The following LRRC49 variants were observed in gnomAD, a reference collection of about 807,000 sequenced individuals.
LRRC49 encodes leucine rich repeat containing 49, also known as leucine-rich repeat-containing protein 49.
Under a neutral mutation model 83.3 loss-of-function variants are expected in LRRC49, and 50 were observed. That is an observed-to-expected ratio of 0.60 (90% CI 0.48 to 0.76). The LOEUF (loss-of-function observed/expected upper bound fraction) is 0.76, where lower values mean the gene tolerates loss of function less well. Ranked by LOEUF, LRRC49 falls within the 30% of genes least tolerant of loss-of-function variation. The pLI, the probability that LRRC49 is intolerant of heterozygous loss-of-function variation, is 0.00. For synonymous variants in LRRC49, 286 were observed against 283.3 expected (o/e 1.01, Z -0.10); for missense variants, 704 against 809.1 (o/e 0.87, Z 1.58).
chr15:70,990,815 C>T (rs953569901), intron 11 of LRRC49, among the ~76,000 whole-genome samples: 1 of 152,204 alleles, frequency 6.6e-6, no homozygotes, highest in African/African-American at 2.4e-5. Context: ...TAGTGTTTTT[C>T]TGCCCTAACA....
chr15:70,898,912 A>G (rs2033952208), intron 3 of LRRC49, among the ~76,000 whole-genome samples: 1 of 152,162 alleles, frequency 6.6e-6, no homozygotes, highest in African/African-American at 2.4e-5. Context: ...TTGTATACCC[A>G]CATATATATG....
chr15:70,965,029 T>C (rs1305596042), intron 9 of LRRC49, among the ~76,000 whole-genome samples: 1 of 152,162 alleles, frequency 6.6e-6, no homozygotes, highest in African/African-American at 2.4e-5. Context: ...TATTCCATGG[T>C]GGAGCTATGG....
At chr15:71,027,026 GTCCTGAATGGTAT>G (rs2039195650) in intron 14 of LRRC49, among the ~76,000 whole-genome samples, 1 of 152,152 alleles carries the variant, frequency 6.6e-6, no homozygotes. Context: ...CCATGACTAT[GTCCTGAATGGTAT>G]TGCCTAGGTT....
At chr15:70,919,293 T>G (rs1453553090) in intron 7 of LRRC49, 100 bp downstream of exon 7, 2 of 1,064,092 alleles carry the variant, frequency 1.9e-6, no homozygotes, top group Non-Finnish European at 2.7e-6. Context: ...GAATCTACGG[T>G]TATTTAGGTT....
intron 8 of LRRC49, among the ~76,000 whole-genome samples, chr15:70,957,705 C>T (rs558234438): frequency 6.6e-6 from 1 of 152,234 alleles, no homozygotes; most frequent in East Asian, 1.9e-4. Context: ...CATCTACTGG[C>T]TCTGTTACCT....
intron 7 of LRRC49, among the ~76,000 whole-genome samples, chr15:70,928,796 C>G (rs1156322826): frequency 6.6e-6 from 1 of 152,148 alleles, no homozygotes; most frequent in African/African-American, 2.4e-5. Context: ...AACTCCTGAT[C>G]TCAAATGATC....
rs2033428040 is a variant in LRRC49, at chr15:70,887,021, CA to C, written c.19-6560del. Among the ~76,000 whole-genome samples the C allele has an allele frequency of 1.3e-5, 2 of 151,686 alleles. 1 individual carries two copies. The highest frequency in any genetic ancestry group is 4.8e-5 in the African/African-American group (2 of 41,260). On this transcript the variant is annotated intron_variant, in intron 2 of 16. Coordinates refer to the LRRC49 transcript ENST00000544974. ...CATTTAAAAATTTAGATGGAACAGACAAATTAAAAAATACTATTAATCAAAA... is the reference window on the plus strand; with the variant it reads ...CATTTAAAAATTTAGATGGAACAGACAATTAAAAAATACTATTAATCAAAA...
intron 11 of LRRC49, among the ~76,000 whole-genome samples, chr15:70,990,999 G>A (rs1442944893): frequency 1.3e-5 from 2 of 152,190 alleles, no homozygotes; most frequent in African/African-American, 4.8e-5. Flanking sequence ...CATGAGGAAA[G>A]GAATCCTGCT....
chr15:70,872,198 A>T (rs1473568830), intron 1 of LRRC49, among the ~76,000 whole-genome samples: 1 of 152,240 alleles, frequency 6.6e-6, no homozygotes, highest in Non-Finnish European at 1.5e-5. Flanking sequence ...GCTGGAGACC[A>T]GCCCGGCCAA....
chr15:70,925,858 G>C (rs1190655883), intron 7 of LRRC49, among the ~76,000 whole-genome samples: 2 of 152,114 alleles, frequency 1.3e-5, no homozygotes, highest in Admixed American at 6.5e-5. Context: ...ACAATCAACT[G>C]TACAGTTCAA....
chr15:71,031,142 T>C (rs1044815376), intron 14 of LRRC49, among the ~76,000 whole-genome samples: 1 of 152,232 alleles, frequency 6.6e-6, no homozygotes, highest in East Asian at 1.9e-4. Flanking sequence ...TGTGGATTTA[T>C]CTACCTTTGA....
chr15:70,892,763 C>A (rs796698579), upstream of LRRC49: 27 of 1,583,222 alleles, frequency 1.7e-5, no homozygotes, highest in African/African-American at 2.0e-4. Context: ...GAGGTCCAGA[C>A]CGGAAATGGT....
chr15:71,012,970 T>C, intron 14 of LRRC49, 57 bp downstream of exon 14: 3 of 1,072,866 alleles, frequency 2.8e-6, no homozygotes, highest in South Asian at 1.3e-5. Flanking sequence ...GAAAAAGAAA[T>C]AAATTCCACA....
At chr15:71,019,340 C>T (rs1406673289) in intron 14 of LRRC49, among the ~76,000 whole-genome samples, 3 of 152,094 alleles carry the variant, frequency 2.0e-5, no homozygotes, top group Non-Finnish European at 2.9e-5. Flanking sequence ...AAAACATTCT[C>T]GTTACTCTTG....
chr15:70,929,331 G>A (rs542877333), intron 7 of LRRC49, among the ~76,000 whole-genome samples: 24 of 152,254 alleles, frequency 1.6e-4, no homozygotes, highest in African/African-American at 4.6e-4. Context: ...TAAAAGTTAT[G>A]TTTACACTAT....
intron 14 of LRRC49, among the ~76,000 whole-genome samples, chr15:71,021,824 C>A (rs924045607): frequency 5.3e-5 from 8 of 152,154 alleles, no homozygotes; most frequent in African/African-American, 1.9e-4. Context: ...ATGGCAGAGG[C>A]AGGGTTCAAA....
At chr15:70,893,763 C>G in intron 2 of LRRC49, 123 bp downstream of exon 2, 1 of 745,160 alleles carries the variant, frequency 1.3e-6, no homozygotes. Context: ...GCTTTGATTT[C>G]CAGTTTAAAG....
At chr15:70,952,787 CT>C (rs151289714) in intron 8 of LRRC49, among the ~76,000 whole-genome samples, 4,422 of 152,030 alleles carry the variant, frequency 0.029, 221 homozygotes, top group African/African-American at 0.1. Context: ...TCGCTAAGAA[CT>C]TTTTTTTAAA....
At chr15:70,877,091 A>G (rs1401612806) in intron 2 of LRRC49, among the ~76,000 whole-genome samples, 2 of 152,110 alleles carry the variant, frequency 1.3e-5, no homozygotes, top group East Asian at 3.9e-4. Context: ...TTTAAAGCAT[A>G]TTTATATCCT....
Sources: gnomAD v4.1 joint callset for allele counts (sites outside exome capture counted in the v4.1 genomes callset) on GRCh38, gnomAD v4.1.1 for gene constraint, MANE v1.5 for transcripts, NCBI Gene and HGNC (gene_info 2026-07-23, HGNC 2026-07-21) for gene names.